Variants in PYURF observed in about 807,000 individuals in gnomAD.
PYURF encodes protein preY, mitochondrial.
In PYURF, 9 loss-of-function variants were observed where a neutral mutation model predicts 8.0. The observed-to-expected ratio is 1.13, with a 90% confidence interval of 0.68 to 1.97. PYURF has a LOEUF of 1.97. Among genes scored for constraint, PYURF ranks in the 30% most tolerant of loss-of-function variants. The pLI is 0.00. For synonymous variants in PYURF, 56 were observed against 68.3 expected, an observed-to-expected ratio of 0.82 and a Z score of 0.89; for missense variants, 130 against 158.0, an observed-to-expected ratio of 0.82 and a Z score of 0.95.
chr4:88,521,555 C>T lies in PYURF; in HGVS notation c.*333G>A, dbSNP rs766977224. The T allele has an allele frequency of 2.6e-6, 4 of 1,560,482 alleles. No individual in the cohort carries two copies. Among genetic ancestry groups the T allele is most frequent in the South Asian group, 1.1e-5 (1 of 89,646 alleles). Reference sequence around the variant, plus strand: ...CAAGAGCTATCATTAATATATACAGCATATTGACTCTAGTTGCATCAATTA... The same window carrying T: ...CAAGAGCTATCATTAATATATACAGTATATTGACTCTAGTTGCATCAATTA... On this transcript the variant is annotated 3_prime_UTR_variant, in exon 2 of 2. Coordinates refer to ENST00000273968, the MANE Select transcript of PYURF (RefSeq NM_032906.5).
chr4:88,523,475 A>C, intron 1 of PYURF, 23 bp downstream of exon 1: 7 of 1,550,674 alleles, frequency 4.5e-6, no homozygotes, highest in Non-Finnish European at 6.1e-6. Flanking sequence ...GCTGCAAAGG[A>C]AGGGCCAAGG....
In PYURF at chr4:88,521,734, C is replaced by A; in HGVS notation, c.*154G>T. ...TTCCACAGAGGCTGAGTAGAACAGT[C>A]CTGCTAAAGAAACCAGTGGAATAAG... On this transcript the variant is annotated 3_prime_UTR_variant, in exon 2 of 2. Transcript: ENST00000273968. The A allele has an allele frequency of 6.2e-7, 1 of 1,613,770 alleles. No homozygotes were observed. The highest frequency in any genetic ancestry group is 8.5e-7 in the Non-Finnish European group (1 of 1,179,836).
At chr4:88,523,386 G>A in intron 1 of PYURF, 112 bp downstream of exon 1, 1 of 1,103,978 alleles carries the variant, frequency 9.1e-7, no homozygotes, top group Non-Finnish European at 1.3e-6. Flanking sequence ...TGTGGCAGCG[G>A]AGAGTACCTG....
chr4:88,523,437 C>A, intron 1 of PYURF, 61 bp downstream of exon 1: 1 of 1,527,542 alleles, frequency 6.5e-7, no homozygotes, highest in African/African-American at 1.4e-5. Context: ...AGGCCGCGGT[C>A]CACCGCTCCC....
chr4:88,522,323 T>C (rs1040841651), intron 1 of PYURF, among the ~76,000 whole-genome samples: 4 of 152,216 alleles, frequency 2.6e-5, no homozygotes, highest in African/African-American at 7.2e-5. Flanking sequence ...TCCCCCTCTC[T>C]TATCCAAATA....
At chr4:88,523,431 C>G (rs1742452575) in intron 1 of PYURF, 67 bp downstream of exon 1, 15 of 1,510,010 alleles carry the variant, frequency 9.9e-6, no homozygotes, top group Non-Finnish European at 1.2e-5. Flanking sequence ...TGCAAGAGGC[C>G]GCGGTCCACC....
intron 1 of PYURF, 88 bp downstream of exon 1, chr4:88,523,410 G>A: frequency 7.4e-7 from 1 of 1,344,418 alleles, no homozygotes; most frequent in Non-Finnish European, 1.0e-6. Flanking sequence ...GACCTACAAG[G>A]CCCCAGTGGC....
chr4:88,523,467 T>C, intron 1 of PYURF, 31 bp downstream of exon 1: 1 of 1,549,026 alleles, frequency 6.5e-7, no homozygotes, highest in Non-Finnish European at 8.7e-7. Context: ...ACCGGGAGGC[T>C]GCAAAGGAAG....
At position 88,521,527 on chromosome 4, in the gene PYURF, G is replaced by A. The variant is rs1742368085; in HGVS notation, c.*361C>T. 6.7e-7 allele frequency: 1 copy of A among 1,491,988 alleles called. No homozygotes were observed. The highest frequency in any genetic ancestry group is 1.4e-5 in the African/African-American group (1 of 72,182). The allele number at this position is 1,491,988 out of a possible 1,614,324, so 92.4% of individuals were successfully genotyped here. On this transcript the variant is annotated 3_prime_UTR_variant, in exon 2 of 2. Coordinates refer to ENST00000273968, the MANE Select transcript of PYURF (RefSeq NM_032906.5). ...TCCATTTGAGCTTTCAGAGATCGATGCCCAAGAGCTATCATTAATATATAC... is the reference window on the plus strand; with the variant it reads ...TCCATTTGAGCTTTCAGAGATCGATACCCAAGAGCTATCATTAATATATAC...
At chr4:88,522,544 G>A (rs1742408275) in intron 1 of PYURF, among the ~76,000 whole-genome samples, 1 of 152,162 alleles carries the variant, frequency 6.6e-6, no homozygotes, top group Non-Finnish European at 1.5e-5. Flanking sequence ...AGTTATAAAC[G>A]TAAATCAAAT....
At chr4:88,523,459 C>T (rs564387604) in intron 1 of PYURF, 39 bp downstream of exon 1, 6 of 1,548,142 alleles carry the variant, frequency 3.9e-6, no homozygotes, top group South Asian at 3.6e-5. Flanking sequence ...TTCCGCCCAC[C>T]GGGAGGCTGC....
chr4:88,523,744 C>A lies in PYURF; in HGVS notation c.-44G>T. ...CAGGCCTCACCGCAGCCTCGCCACC[C>A]GTGGCCGAGCTCCCGGCTTCCCGTT... On this transcript the variant is annotated 5_prime_UTR_variant, in exon 1 of 2. Transcript: ENST00000273968. 1.4e-6 allele frequency: 2 copies of A among 1,393,876 alleles called. No homozygotes were observed. Among genetic ancestry groups the A allele is most frequent in the South Asian group, 3.1e-5 (2 of 63,964 alleles). The allele number at this position is 1,393,876 out of a possible 1,614,324, so 86.3% of individuals were successfully genotyped here. A position where few individuals can be genotyped will look rare whatever the true frequency, so the allele number is the denominator to read the frequency against.
At chr4:88,522,172 A>T in intron 1 of PYURF, 143 bp from the exon 2 acceptor site, 1 of 678,142 alleles carries the variant, frequency 1.5e-6, no homozygotes. Flanking sequence ...TAAAAGCAAC[A>T]ATAGCCAATT....
intron 1 of PYURF, 113 bp downstream of exon 1, chr4:88,523,385 G>A (rs1387911874): frequency 1.8e-6 from 2 of 1,100,338 alleles, no homozygotes; most frequent in African/African-American, 1.6e-5. Context: ...ATGTGGCAGC[G>A]GAGAGTACCT....
intron 1 of PYURF, among the ~76,000 whole-genome samples, chr4:88,522,339 T>C (rs1418493066): frequency 6.6e-6 from 1 of 152,230 alleles, no homozygotes; most frequent in African/African-American, 2.4e-5. Flanking sequence ...AAATATTCCT[T>C]CATTACTTTG....
At position 88,521,949 on chromosome 4, in the gene PYURF, A is replaced by G. The variant is rs370422763; in HGVS notation, c.284T>C (p.Ile95Thr). ...YPIIDGIPNM[I>T]PQAARMTRQS... ...ACGTGTCATCCTAGCTGCCTGTGGT[A>G]TCATATTAGGGATCCCATCAATGAT... is the stretch of plus-strand genomic sequence containing the variant. The change falls in exon 2 of 2, where the codon ATA (isoleucine) becomes ACA (threonine). Residue 95 changes from isoleucine (I) to threonine (T), a missense_variant. Coordinates refer to ENST00000273968, the MANE Select transcript of PYURF (RefSeq NM_032906.5). 1.9e-6 allele frequency: 3 copies of G among 1,551,584 alleles called. No homozygotes were observed. The highest frequency in any genetic ancestry group is 2.6e-6 in the Non-Finnish European group (3 of 1,146,958).
At position 88,521,039 on chromosome 4, in the gene PYURF, A is replaced by G. The variant is rs954313223; in HGVS notation, c.*849T>C. 1 of 153,656 alleles carries G rather than the reference A, an allele frequency of 6.5e-6. No homozygotes were observed. Among genetic ancestry groups the G allele is most frequent in the African/African-American group, 2.4e-5 (1 of 41,468 alleles). 9.5% of individuals were successfully genotyped at this position (153,656 alleles called of 1,614,324 possible). A position where few individuals can be genotyped will look rare whatever the true frequency, so the allele number is the denominator to read the frequency against. ...AAGTGTCAACATGTTTATTGCTAAT[A>G]TAAGCATTTAATGTCAAAGAAATGA... On this transcript the variant is annotated 3_prime_UTR_variant, in exon 2 of 2. Coordinates refer to ENST00000273968, the MANE Select transcript of PYURF (RefSeq NM_032906.5).
chr4:88,523,434 G>A, intron 1 of PYURF, 64 bp downstream of exon 1: 1 of 1,515,082 alleles, frequency 6.6e-7, no homozygotes, highest in African/African-American at 1.4e-5. Flanking sequence ...AAGAGGCCGC[G>A]GTCCACCGCT....
intron 1 of PYURF, among the ~76,000 whole-genome samples, chr4:88,522,608 A>T (rs1430816260): frequency 6.6e-6 from 1 of 152,252 alleles, no homozygotes; most frequent in African/African-American, 2.4e-5. Flanking sequence ...GGGAAAAAGA[A>T]ATACGAAAAA....
Sources: gnomAD v4.1 joint callset for allele counts (sites outside exome capture counted in the v4.1 genomes callset) on GRCh38, gnomAD v4.1.1 for gene constraint, MANE v1.5 for transcripts, NCBI Gene and HGNC (gene_info 2026-07-23, HGNC 2026-07-21) for gene names.